ARID1B: variants seen among roughly 807,000 people sequenced by gnomAD.
ARID1B encodes the protein AT-rich interactive domain-containing protein 1B.
A neutral mutation model predicts 212.3 loss-of-function variants in ARID1B; 30 were observed. The ratio of observed to expected loss-of-function variants is 0.14; its 90% CI spans 0.11 to 0.19. The LOEUF is 0.19. Ranked by LOEUF, ARID1B falls within the 10% of genes least tolerant of loss-of-function variation. The probability of loss-of-function intolerance (pLI) is 1.00; values close to 1 mark genes in which losing one functional copy is unlikely to be tolerated. For synonymous variants in ARID1B, 1,402 were observed against 1,301.7 expected, an observed-to-expected ratio of 1.08 and a Z score of -1.66; for missense variants, 2,891 against 3,204.0, an observed-to-expected ratio of 0.90 and a Z score of 2.36.
rs141447175 is a variant in ARID1B at position 156,995,233 on chromosome 6, C to T, written c.2247+59657C>T. Among the ~76,000 whole-genome samples the T allele has an allele frequency of 9.8e-5, 15 of 152,342 alleles. No homozygotes were observed. The East Asian group carries it at 2.7e-3, about 27-fold the overall frequency. On this transcript the variant is annotated intron_variant, in intron 4 of 19. Transcript: ENST00000636930. ...GAATGAGCCCCTGAAAAGTGAATTT[C>T]ATTTTCTTTTCTTATTCACTGCTTC...
chr6:156,976,611 G>A (rs536545522), intron 4 of ARID1B, among the ~76,000 whole-genome samples: 48 of 152,230 alleles, frequency 3.2e-4, no homozygotes, highest in African/African-American at 1.1e-3. Flanking sequence ...CTAGTCACCC[G>A]AGCCAGCAAC....
intron 2 of ARID1B, among the ~76,000 whole-genome samples, chr6:156,834,881 G>A (rs1198292777): frequency 6.6e-6 from 1 of 152,214 alleles, no homozygotes; most frequent in Non-Finnish European, 1.5e-5. Context: ...CTTCCAAGTA[G>A]ATAGCAGATG....
chr6:157,006,852 T>C (rs545034629), intron 4 of ARID1B, among the ~76,000 whole-genome samples: 4 of 152,388 alleles, frequency 2.6e-5, no homozygotes, highest in Admixed American at 2.0e-4. Context: ...AAATTTTTTG[T>C]CTTTTTTCAC....
At chr6:156,987,708 G>C (rs1322395673) in intron 4 of ARID1B, among the ~76,000 whole-genome samples, 1 of 152,098 alleles carries the variant, frequency 6.6e-6, no homozygotes, top group East Asian at 1.9e-4. Flanking sequence ...GGAATCTTTT[G>C]TTTTGTTTTG....
chr6:156,966,740 C>T (rs1217718544), intron 4 of ARID1B, among the ~76,000 whole-genome samples: 1 of 144,700 alleles, frequency 6.9e-6, no homozygotes, highest in African/African-American at 2.6e-5. Flanking sequence ...CTCGCTCTGT[C>T]GCTAGGCTGG....
At chr6:157,144,334 G>A (rs926908233) in intron 7 of ARID1B, among the ~76,000 whole-genome samples, 4 of 152,110 alleles carry the variant, frequency 2.6e-5, no homozygotes, top group African/African-American at 9.7e-5. Flanking sequence ...TCTAAAACAA[G>A]ACTAAAACGT....
rs371538726 is a variant in ARID1B at position 157,196,192 on chromosome 6, C to T, written c.4259C>T (p.Thr1420Met). 48 of 1,613,286 alleles carry T rather than the reference C, an allele frequency of 3.0e-5. No homozygotes were observed. Among genetic ancestry groups the T allele is most frequent in the South Asian group, 2.1e-4 (19 of 90,888 alleles). The change falls in exon 16 of 20, where the codon ACG (threonine) becomes ATG (methionine). Residue 1420 changes from threonine (T) to methionine (M), a missense_variant. Thr to Met is a moderately conservative substitution (Grantham distance 81). Transcript: ENST00000636930. ...KVPGSSEPFMTQGQMPNSSMQ... is the reference protein window; with the variant it reads ...KVPGSSEPFMMQGQMPNSSMQ... The stretch of plus-strand genomic sequence containing the variant: ...CCTGGAAGCAGCGAGCCCTTTATGA[C>T]GCAAGGACAGATGCCCAACAGCAGC...
At chr6:157,173,681 A>G (rs1791877621) in intron 9 of ARID1B, 1 of 180,724 alleles carries the variant, frequency 5.5e-6, no homozygotes, top group Non-Finnish European at 1.2e-5. Context: ...TAATTTAAAC[A>G]TTTGCCTTAT....
chr6:156,796,044 TGTC>T (rs1020515079), intron 1 of ARID1B, among the ~76,000 whole-genome samples: 43 of 152,286 alleles, frequency 2.8e-4, no homozygotes, highest in Middle Eastern at 3.4e-3. Flanking sequence ...TCATGCCTGT[TGTC>T]TGGGTTTTCA....
chr6:156,778,251 C>G lies in ARID1B; in HGVS notation c.571C>G (p.Gln191Glu), dbSNP rs1778806102. The change falls in exon 1 of 20, where the codon CAG becomes GAG. Residue 191 changes from glutamine to glutamate, a missense_variant. By Grantham distance (29) the Gln-to-Glu change is conservative (BLOSUM62 2). Transcript: ENST00000636930. ...HHLHHHHALQ[Q>E]QLNQFQQQQQ... The stretch of plus-strand genomic sequence containing the variant: ...CCTCCACCACCACCACGCACTACAG[C>G]AGCAGCTAAACCAGTTCCAGCAGCA... The G allele has an allele frequency of 1.3e-6, 2 of 1,542,594 alleles. No homozygotes were observed. The highest frequency in any genetic ancestry group is 1.4e-5 in the African/African-American group (1 of 72,994).
chr6:156,906,665 G>T (rs550741293), intron 3 of ARID1B, among the ~76,000 whole-genome samples: 10 of 150,092 alleles, frequency 6.7e-5, no homozygotes, highest in African/African-American at 2.4e-4. Context: ...GGGCACTGTT[G>T]CTGTGCTGTA....
rs9480408 is a variant in ARID1B, at chr6:156,934,961, T to G, written c.2137-505T>G. 1.9e-3 allele frequency among the ~76,000 whole-genome samples: 174 copies of G among 90,420 alleles called. 4 individuals carry two copies. The highest frequency in any genetic ancestry group is 7.1e-3 in the African/African-American group (162 of 22,978). The allele number at this position is 90,420 out of a possible 152,430, so 59.3% of individuals were successfully genotyped here. ...ATATATATATATATATATATATATA[T>G]AGTTTATATTTCTGCTGTTATTCAC... On this transcript the variant is annotated intron_variant, in intron 3 of 19. Coordinates refer to ENST00000636930, the MANE Select transcript of ARID1B (RefSeq NM_001374828.1).
chr6:156,813,319 G>T (rs940458833), intron 1 of ARID1B, among the ~76,000 whole-genome samples: 5 of 146,572 alleles, frequency 3.4e-5, no homozygotes, highest in Non-Finnish European at 7.5e-5. Flanking sequence ...TCACCATGTT[G>T]CCCAGGCTGG....
At chr6:156,968,299 A>G (rs568396662) in intron 4 of ARID1B, among the ~76,000 whole-genome samples, 3 of 152,314 alleles carry the variant, frequency 2.0e-5, no homozygotes, top group African/African-American at 7.2e-5. Flanking sequence ...GAGAAAGGGG[A>G]AATTGAGAGG....
chr6:156,777,828 G>A lies in ARID1B; in HGVS notation c.148G>A (p.Ala50Thr). The change falls in exon 1 of 20, where the codon GCG becomes ACG. Residue 50 changes from alanine to threonine, a missense_variant. Ala to Thr is a moderately conservative substitution (Grantham distance 58). Around this residue, in one of 7 missense-constraint regions of ARID1B, gnomAD observed 1,643 missense variants for 1,544.0 expected, o/e 1.06. Transcript: ENST00000636930. ...GGCGGGGGCGCGCGGCGCGGCGGCG[G>A]CGGCGGCGGCACCGGGACCCATGCT... is the stretch of plus-strand genomic sequence containing the variant. Reference protein sequence around the residue: ...LEAGARGAAAAAAAPGPMLGG... With the variant: ...LEAGARGAAATAAAPGPMLGG... 1.8e-6 allele frequency: 2 copies of A among 1,092,620 alleles called. No homozygotes were observed. The highest frequency in any genetic ancestry group is 1.1e-6 in the Non-Finnish European group (1 of 898,132). The allele number at this position is 1,092,620 out of a possible 1,614,324, so 67.7% of individuals were successfully genotyped here.
intron 4 of ARID1B, chr6:156,976,444 G>C (rs1045672918): frequency 1.2e-5 from 2 of 168,620 alleles, no homozygotes; most frequent in Non-Finnish European, 2.5e-5. Context: ...TGGGCCGGGG[G>C]ACTTTTGCAA....
intron 4 of ARID1B, among the ~76,000 whole-genome samples, chr6:157,008,767 G>A (rs1334107183): frequency 6.6e-6 from 1 of 152,046 alleles, no homozygotes; most frequent in African/African-American, 2.4e-5. Context: ...GAGGGGGGCG[G>A]CGCTCAGATG....
chr6:157,064,892 T>G (rs1230374266), intron 4 of ARID1B, among the ~76,000 whole-genome samples: 1 of 152,184 alleles, frequency 6.6e-6, no homozygotes, highest in Non-Finnish European at 1.5e-5. Context: ...TCAGGACAAA[T>G]AAGCAGTAGA....
intron 4 of ARID1B, among the ~76,000 whole-genome samples, chr6:157,074,537 A>C (rs745784039): frequency 2.0e-5 from 3 of 152,150 alleles, no homozygotes; most frequent in Non-Finnish European, 4.4e-5. Flanking sequence ...TTTACAGATT[A>C]TTGATCAGAG....
Sources: allele counts gnomAD v4.1 joint callset (sites outside exome capture counted in the v4.1 genomes callset), GRCh38; gene constraint gnomAD v4.1.1; regional missense constraint gnomAD v4.1.1; transcripts MANE v1.5; gene names NCBI Gene and HGNC (gene_info 2026-07-23, HGNC 2026-07-21).